TOP6BL: variants seen among roughly 807,000 people sequenced by gnomAD.
The protein encoded by TOP6BL is type 2 DNA topoisomerase 6 subunit B-like.
At chr11:66,784,130 A>AAG in the TOP6BL span, among the ~76,000 whole-genome samples, 1 of 152,030 alleles carries the variant, frequency 6.6e-6, no homozygotes, top group Non-Finnish European at 1.5e-5. Flanking sequence ...TCCTGGGTTC[A>AAG]TGCCATTCTC....
the TOP6BL span, among the ~76,000 whole-genome samples, chr11:66,800,082 A>G: frequency 6.6e-6 from 1 of 151,504 alleles, no homozygotes; most frequent in African/African-American, 2.4e-5. Flanking sequence ...AAAAAAAACC[A>G]CAAAAAACTA....
the TOP6BL span, among the ~76,000 whole-genome samples, chr11:66,780,402 T>A: frequency 3.3e-5 from 5 of 152,052 alleles, no homozygotes; most frequent in Admixed American, 2.6e-4. Context: ...CTGAAGAAAA[T>A]CCTTTAGCAA....
chr11:66,767,528 A>T, the TOP6BL span, among the ~76,000 whole-genome samples: 10 of 152,206 alleles, frequency 6.6e-5, no homozygotes, highest in East Asian at 1.7e-3. Flanking sequence ...GTCTTTTTAA[A>T]ATAGCTTCTC....
chr11:66,788,126 T>G, the TOP6BL span: 1 of 1,464,526 alleles, frequency 6.8e-7, no homozygotes, highest in South Asian at 1.2e-5. Flanking sequence ...TCCAAACTGC[T>G]TGTTTGACTT....
At chr11:66,744,846 G>GGC in the TOP6BL span, 3 of 1,282,218 alleles carry the variant, frequency 2.3e-6, no homozygotes, top group Non-Finnish European at 3.0e-6. Context: ...GCGGCGGCGG[G>GGC]CGGGTACCCT....
the TOP6BL span, among the ~76,000 whole-genome samples, chr11:66,835,601 A>G: frequency 6.6e-6 from 1 of 152,114 alleles, no homozygotes; most frequent in Non-Finnish European, 1.5e-5. Context: ...CCTGGCAACC[A>G]CTAGTATGCT....
At chr11:66,816,245 TAAGA>T in the TOP6BL span, 2 of 1,561,702 alleles carry the variant, frequency 1.3e-6, no homozygotes, top group African/African-American at 2.7e-5. Context: ...TGCCAAATGC[TAAGA>T]GAGAGGGAAA....
At chr11:66,840,521 A>C in the TOP6BL span, among the ~76,000 whole-genome samples, 1 of 152,118 alleles carries the variant, frequency 6.6e-6, no homozygotes, top group Non-Finnish European at 1.5e-5. Flanking sequence ...TCATCAGAAG[A>C]AAATCTCCCG....
the TOP6BL span, among the ~76,000 whole-genome samples, chr11:66,750,403 G>A: frequency 1.3e-5 from 2 of 151,708 alleles, no homozygotes; most frequent in East Asian, 1.9e-4. Context: ...AAAAATTAGC[G>A]GGTTGTGGTG....
At chr11:66,760,056 T>G in the TOP6BL span, among the ~76,000 whole-genome samples, 1 of 152,222 alleles carries the variant, frequency 6.6e-6, no homozygotes, top group Non-Finnish European at 1.5e-5. Flanking sequence ...GAATTGTTAA[T>G]TTACAAATTT....
chr11:66,761,869 C>T, the TOP6BL span: 1 of 969,728 alleles, frequency 1.0e-6, no homozygotes, highest in African/African-American at 1.6e-5. Flanking sequence ...TAATGACAGT[C>T]CAGCACAAGG....
the TOP6BL span, chr11:66,796,210 A>G: frequency 1.7e-6 from 2 of 1,167,716 alleles, no homozygotes; most frequent in South Asian, 1.4e-5. Context: ...AGAAGAGGAA[A>G]TACCGTTTTA....
chr11:66,752,404 A>G, the TOP6BL span, among the ~76,000 whole-genome samples: 1 of 151,884 alleles, frequency 6.6e-6, no homozygotes, highest in African/African-American at 2.4e-5. Flanking sequence ...CTTTCTGATT[A>G]CTCTGTATGT....
At chr11:66,819,878 G>A in the TOP6BL span, among the ~76,000 whole-genome samples, 2 of 147,822 alleles carry the variant, frequency 1.4e-5, no homozygotes, top group South Asian at 2.2e-4. Flanking sequence ...ACTCCAGCTC[G>A]GGCAACAAGA....
At chr11:66,836,028 A>G in the TOP6BL span, among the ~76,000 whole-genome samples, 505 of 152,130 alleles carry the variant, frequency 3.3e-3, 2 homozygotes, top group African/African-American at 0.012. Context: ...GATGGTTCCA[A>G]TTTCTCTATA....
chr11:66,766,094 G>A, the TOP6BL span, among the ~76,000 whole-genome samples: 5 of 152,130 alleles, frequency 3.3e-5, no homozygotes, highest in South Asian at 1.0e-3. Flanking sequence ...AAAAAATTGT[G>A]TATCTATACA....
the TOP6BL span, among the ~76,000 whole-genome samples, chr11:66,753,481 A>G: frequency 6.9e-6 from 1 of 144,114 alleles, no homozygotes; most frequent in Admixed American, 7.3e-5. Flanking sequence ...ATCTCTGCTC[A>G]CTGCAAGCTC....
At chr11:66,833,724 G>A in the TOP6BL span, among the ~76,000 whole-genome samples, 2 of 152,194 alleles carry the variant, frequency 1.3e-5, no homozygotes, top group South Asian at 2.1e-4. Context: ...AAGGCAGGTG[G>A]ATCACTTGAG....
At chr11:66,789,833 A>G in the TOP6BL span, among the ~76,000 whole-genome samples, 1 of 152,356 alleles carries the variant, frequency 6.6e-6, no homozygotes, top group East Asian at 1.9e-4. Flanking sequence ...TACAACAGTT[A>G]AATGGCAGAA....
Sources: allele counts gnomAD v4.1 joint callset (sites outside exome capture counted in the v4.1 genomes callset), GRCh38; gene constraint gnomAD v4.1.1; transcripts MANE v1.5; gene names NCBI Gene and HGNC (gene_info 2026-07-23, HGNC 2026-07-21).